SLC49A4: variants seen among roughly 807,000 people sequenced by gnomAD.
SLC49A4 encodes the protein disrupted in renal cancer protein 2.
In SLC49A4, 36 loss-of-function variants were observed where a neutral mutation model predicts 50.6. The ratio of observed to expected loss-of-function variants is 0.71; its 90% CI spans 0.55 to 0.94. The LOEUF (loss-of-function observed/expected upper bound fraction) is 0.94. Ranked by LOEUF, SLC49A4 falls within the 40% of genes least tolerant of loss-of-function variation. The probability of loss-of-function intolerance (pLI) is 0.00; values close to 1 mark genes in which losing one functional copy is unlikely to be tolerated. For synonymous variants in SLC49A4, 248 were observed against 241.2 expected (o/e 1.03, Z -0.26); for missense variants, 503 against 605.7 (o/e 0.83, Z 1.78).
At chr3:122,835,811 A>G (rs984420845) in intron 4 of SLC49A4, among the ~76,000 whole-genome samples, 3 of 152,192 alleles carry the variant, frequency 2.0e-5, no homozygotes, top group African/African-American at 7.2e-5. Flanking sequence ...AGGAAGTCAA[A>G]TGATCACTGT....
chr3:122,795,074 G>A lies in SLC49A4; in HGVS notation c.-119G>A, dbSNP rs1373505194. ...CGCGCAGGCGCACCAGGCGCGGTCCGGAGGCCGAGGGCGACCACAGCAGCC... is the reference window on the plus strand; with the variant it reads ...CGCGCAGGCGCACCAGGCGCGGTCCAGAGGCCGAGGGCGACCACAGCAGCC... On this transcript the variant is annotated 5_prime_UTR_variant, in exon 1 of 9. Coordinates refer to ENST00000261038, the MANE Select transcript of SLC49A4 (RefSeq NM_032839.3). 3.4e-6 allele frequency: 4 copies of A among 1,172,166 alleles called. No homozygotes were observed. The highest frequency in any genetic ancestry group is 1.6e-5 in the African/African-American group (1 of 62,732). 72.6% of individuals were successfully genotyped at this position (1,172,166 alleles called of 1,614,324 possible).
intron 3 of SLC49A4, among the ~76,000 whole-genome samples, chr3:122,827,420 C>G (rs541270580): frequency 6.6e-6 from 1 of 152,306 alleles, no homozygotes; most frequent in African/African-American, 2.4e-5. Context: ...TGTTAAACAT[C>G]TATCTGTTGG....
At chr3:122,826,656 C>T (rs1349054776) in intron 2 of SLC49A4, 144 bp from the exon 3 acceptor site, 1 of 772,018 alleles carries the variant, frequency 1.3e-6, no homozygotes, top group African/African-American at 1.7e-5. Flanking sequence ...GAAGGTAAAT[C>T]AACATGTCTT....
intron 7 of SLC49A4, among the ~76,000 whole-genome samples, chr3:122,866,010 C>CA (rs1217054035): frequency 6.6e-6 from 1 of 151,954 alleles, no homozygotes. Context: ...TCTTTTCCAC[C>CA]AAGAAGCACC....
intron 1 of SLC49A4, among the ~76,000 whole-genome samples, chr3:122,806,552 A>ATT (rs1243677054): frequency 6.6e-6 from 1 of 151,568 alleles, no homozygotes; most frequent in Non-Finnish European, 1.5e-5. Context: ...TAATTTTTTT[A>ATT]TTTTTAGTAG....
intron 7 of SLC49A4, among the ~76,000 whole-genome samples, chr3:122,860,456 A>G (rs1437531772): frequency 6.6e-6 from 1 of 152,228 alleles, no homozygotes; most frequent in Non-Finnish European, 1.5e-5. Flanking sequence ...GGAAATGCTT[A>G]TATTTGTTTA....
chr3:122,860,011 G>T, intron 6 of SLC49A4, 64 bp from the exon 7 acceptor site: 1 of 1,302,640 alleles, frequency 7.7e-7, no homozygotes, highest in Non-Finnish European at 1.0e-6. Context: ...TAGTGAAAGT[G>T]TGTCATTTGC....
intron 6 of SLC49A4, among the ~76,000 whole-genome samples, chr3:122,856,836 CAA>C (rs11375250): frequency 5.6e-4 from 40 of 71,020 alleles, no homozygotes; most frequent in Admixed American, 4.8e-4. Flanking sequence ...GACTCCATCT[CAA>C]AAAAAAAAAA....
intron 4 of SLC49A4, 48 bp downstream of exon 4, chr3:122,833,494 G>A: frequency 6.6e-7 from 1 of 1,519,736 alleles, no homozygotes; most frequent in Non-Finnish European, 8.9e-7. Context: ...CACCTTCAAG[G>A]TAACTTCAGA....
intron 2 of SLC49A4, among the ~76,000 whole-genome samples, chr3:122,826,453 A>T (rs1277528659): frequency 6.6e-6 from 1 of 152,134 alleles, no homozygotes; most frequent in Non-Finnish European, 1.5e-5. Flanking sequence ...ATCTCAGTAA[A>T]TGGGGATCAT....
chr3:122,804,695 G>T (rs534726625), intron 1 of SLC49A4, among the ~76,000 whole-genome samples: 28 of 152,292 alleles, frequency 1.8e-4, no homozygotes, highest in Admixed American at 7.8e-4. Context: ...ATGTTACCCA[G>T]GCTAATCTCA....
At position 122,833,459 on chromosome 3, in the gene SLC49A4, A is replaced by G; in HGVS notation, c.833+13A>G. On this transcript the variant is annotated intron_variant, in intron 4 of 8. Transcript: ENST00000261038. Reference sequence around the variant, plus strand: ...GTAGATTATTAAGGTAAATATACTGAGAGTCACTGGATGGCTTTGACTGAC... The same window carrying G: ...GTAGATTATTAAGGTAAATATACTGGGAGTCACTGGATGGCTTTGACTGAC... The G allele has an allele frequency of 6.2e-7, 1 of 1,608,610 alleles. No homozygotes were observed. The highest frequency in any genetic ancestry group is 1.1e-5 in the South Asian group (1 of 90,438).
intron 3 of SLC49A4, among the ~76,000 whole-genome samples, chr3:122,831,398 T>C (rs1936606984): frequency 6.6e-6 from 1 of 152,070 alleles, no homozygotes; most frequent in Admixed American, 6.6e-5. Context: ...ATGAACAAAA[T>C]GTGATATATC....
intron 3 of SLC49A4, 61 bp from the exon 4 acceptor site, chr3:122,833,256 A>C: frequency 6.5e-7 from 1 of 1,531,678 alleles, no homozygotes. Context: ...ACAAATAAAT[A>C]CTTGAAGTCT....
At chr3:122,833,608 A>G (rs1936637041) in intron 4 of SLC49A4, among the ~76,000 whole-genome samples, 162 bp downstream of exon 4, 1 of 152,210 alleles carries the variant, frequency 6.6e-6, no homozygotes, top group African/African-American at 2.4e-5. Context: ...CCTACCAGAA[A>G]TCTATCTTGA....
chr3:122,810,222 A>G (rs374492419), intron 2 of SLC49A4, among the ~76,000 whole-genome samples: 3 of 152,172 alleles, frequency 2.0e-5, no homozygotes, highest in Admixed American at 6.5e-5. Context: ...GCTCTTCCTA[A>G]TGGTGTTCTA....
At chr3:122,819,934 G>T (rs968078708) in intron 2 of SLC49A4, among the ~76,000 whole-genome samples, 3 of 151,866 alleles carry the variant, frequency 2.0e-5, no homozygotes, top group African/African-American at 7.3e-5. Context: ...ATGAGTTTTG[G>T]AGGTAAGTAT....
rs550691664 is a variant in SLC49A4 at position 122,845,550 on chromosome 3, T to G, written c.834-213T>G. On this transcript the variant is annotated intron_variant, in intron 4 of 8. Coordinates refer to ENST00000261038, the MANE Select transcript of SLC49A4 (RefSeq NM_032839.3). ...TGCCTTCCATGGTGGCTGAACCAAT[T>G]TACACTTCAACCAGCAGTATATATG... Among the ~76,000 whole-genome samples, 136 of 152,138 alleles carry G rather than the reference T, an allele frequency of 8.9e-4. 1 individual carries two copies. The highest frequency in any genetic ancestry group is 3.2e-3 in the African/African-American group (131 of 41,514).
At chr3:122,879,022 A>C (rs1270873328) in intron 8 of SLC49A4, among the ~76,000 whole-genome samples, 1 of 152,210 alleles carries the variant, frequency 6.6e-6, no homozygotes, top group Non-Finnish European at 1.5e-5. Context: ...AGGTGGATTA[A>C]ATTGATGAAA....
Sources: gnomAD v4.1 joint callset for allele counts (sites outside exome capture counted in the v4.1 genomes callset) on GRCh38, gnomAD v4.1.1 for gene constraint, MANE v1.5 for transcripts, NCBI Gene and HGNC (gene_info 2026-07-23, HGNC 2026-07-21) for gene names.